The following MEIS1 variants were observed in gnomAD, a reference collection of about 807,000 sequenced individuals.
MEIS1 encodes the protein Meis homeobox 1.
Under a neutral mutation model 50.8 loss-of-function variants are expected in MEIS1, and 5 were observed. The observed-to-expected ratio is 0.10, with a 90% CI of 0.05 to 0.21. MEIS1 has a LOEUF of 0.21. MEIS1 is among the 10% of genes least tolerant of loss of function. MEIS1 has a pLI of 1.00. For missense variants in MEIS1, 318 were observed against 517.3 expected, an observed-to-expected ratio of 0.61 and a Z score of 3.74; for synonymous variants, 176 against 179.3, an observed-to-expected ratio of 0.98 and a Z score of 0.15.
chr2:66,436,145 A>T lies in MEIS1; in HGVS notation c.12+277A>T, dbSNP rs550181086. Among the ~76,000 whole-genome samples, 314 of 150,482 alleles carry T rather than the reference A, an allele frequency of 2.1e-3. 1 individual carries two copies. The highest frequency in any genetic ancestry group is 6.3e-3 in the African/African-American group (261 of 41,254). On this transcript the variant is annotated intron_variant, in intron 1 of 12. Transcript: ENST00000272369. ...CAAACAATCATCTGGGTTTTTTTTT[A>T]AAAAAGCTAGATACCTAAAGCTGTA... is the stretch of plus-strand genomic sequence containing the variant.
In MEIS1 at chr2:66,442,217, G is replaced by A. The variant is rs947834679; in HGVS notation, c.484-685G>A. 6.1e-5 allele frequency among the ~76,000 whole-genome samples: 9 copies of A among 147,250 alleles called. No individual in the cohort carries two copies. In the Admixed American group the frequency reaches 6.2e-4, roughly 10 times the overall value. Reference sequence around the variant, plus strand: ...ATGTCAGTGATGCCTGGGACCTCTAGGAAACCTCTGCACTTACACTTAAAT... The same window carrying A: ...ATGTCAGTGATGCCTGGGACCTCTAAGAAACCTCTGCACTTACACTTAAAT... On this transcript the variant is annotated intron_variant, in intron 5 of 12. Transcript: ENST00000272369.
chr2:66,439,180 C>A (rs1671882865), intron 2 of MEIS1: 1 of 652,618 alleles, frequency 1.5e-6, no homozygotes, highest in Non-Finnish European at 1.9e-6. Flanking sequence ...AAATGAAAGG[C>A]TCTACTGCAG....
intron 10 of MEIS1, 116 bp from the exon 11 acceptor site, chr2:66,568,551 A>G: frequency 1.3e-6 from 1 of 744,728 alleles, no homozygotes; most frequent in Non-Finnish European, 2.3e-6. Context: ...AAAAAATTAT[A>G]CTAGCCTGCT....
At chr2:66,441,347 T>C in intron 4 of MEIS1, 67 bp from the exon 5 acceptor site, 2 of 1,419,902 alleles carry the variant, frequency 1.4e-6, no homozygotes, top group South Asian at 1.4e-5. Context: ...CTGGAGATGG[T>C]AGAGCTGTGG....
At chr2:66,512,425 TGCAAAAG>T in intron 8 of MEIS1, 131 bp downstream of exon 8, 1 of 1,054,970 alleles carries the variant, frequency 9.5e-7, no homozygotes. Context: ...CCACAGTTTT[TGCAAAAG>T]TATTAGCACT....
chr2:66,508,769 A>G (rs1272205847), intron 7 of MEIS1, among the ~76,000 whole-genome samples: 1 of 152,264 alleles, frequency 6.6e-6, no homozygotes, highest in African/African-American at 2.4e-5. Context: ...GCGGTTGGCT[A>G]AAGTCGCCCT....
At chr2:66,481,273 A>G (rs1245359786) in intron 7 of MEIS1, among the ~76,000 whole-genome samples, 2 of 152,250 alleles carry the variant, frequency 1.3e-5, no homozygotes, top group African/African-American at 4.8e-5. Context: ...TTCTGGTGCT[A>G]GGAAAGACTT....
chr2:66,441,053 G>C (rs1671967847), intron 4 of MEIS1: 1 of 335,368 alleles, frequency 3.0e-6, no homozygotes, highest in Non-Finnish European at 5.3e-6. Flanking sequence ...GCCACAGTTT[G>C]AGGGCCATTT....
chr2:66,481,312 C>A (rs773813731), intron 7 of MEIS1, among the ~76,000 whole-genome samples: 2 of 152,206 alleles, frequency 1.3e-5, no homozygotes, highest in African/African-American at 4.8e-5. Context: ...TTCTAAGCCC[C>A]CATTGCTATG....
rs750077605 is a variant in MEIS1, at chr2:66,441,450, T to C, written c.469T>C (p.Leu157=). 17 of 1,551,048 alleles carry C rather than the reference T, an allele frequency of 1.1e-5. No individual in the cohort carries two copies. Among genetic ancestry groups the C allele is most frequent in the South Asian group, 6.2e-5 (5 of 80,704 alleles). Residue 157 remains leucine, a synonymous_variant, in exon 5 of 13, where the codon TTG becomes CTG. Coordinates refer to ENST00000272369, the MANE Select transcript of MEIS1 (RefSeq NM_002398.3). ...QAIQVLRFHL[L]ELEKVHELCD... ...CATACAAGTATTAAGGTTTCATCTA[T>C]TGGAATTAGAGAAGGTAATTTCTCT...
rs367812339 is a variant in MEIS1, at chr2:66,547,920, G to A, written c.889-23G>A. ...TGGCTAAATATTGCCTGATGCACAC[G>A]TATCTTTTTTATTCTCTTTCAGCAC... On this transcript the variant is annotated intron_variant, in intron 8 of 12. Coordinates refer to ENST00000272369, the MANE Select transcript of MEIS1 (RefSeq NM_002398.3). 139 of 1,611,370 alleles carry A rather than the reference G, an allele frequency of 8.6e-5. 1 individual carries two copies. The highest frequency in any genetic ancestry group is 1.0e-4 in the Non-Finnish European group (120 of 1,178,096).
intron 9 of MEIS1, among the ~76,000 whole-genome samples, chr2:66,564,750 T>C (rs2268415): frequency 0.64 from 96,636 of 151,320 alleles, 32,218 homozygotes; most frequent in Non-Finnish European, 0.74. Context: ...TACTTTAAGT[T>C]CTAGGGTACA....
At chr2:66,480,635 C>T (rs772770727) in intron 7 of MEIS1, among the ~76,000 whole-genome samples, 1 of 152,114 alleles carries the variant, frequency 6.6e-6, no homozygotes, top group Non-Finnish European at 1.5e-5. Flanking sequence ...GTCTTGGGTA[C>T]GTTTTTGTGA....
At chr2:66,503,736 A>ATTTT (rs70943702) in intron 7 of MEIS1, among the ~76,000 whole-genome samples, 1 of 77,798 alleles carries the variant, frequency 1.3e-5, no homozygotes, top group Non-Finnish European at 2.2e-5. Context: ...TATATGGGGC[A>ATTTT]TTTTTTTTTT....
chr2:66,491,321 A>G (rs1673267868), intron 7 of MEIS1, among the ~76,000 whole-genome samples: 2 of 152,204 alleles, frequency 1.3e-5, no homozygotes, highest in African/African-American at 4.8e-5. Flanking sequence ...TTCACTTTGC[A>G]GTGTTGTCTG....
In MEIS1 at chr2:66,571,732, C is replaced by T; in HGVS notation, c.*524C>T. The T allele has an allele frequency of 1.7e-6, 1 of 581,854 alleles. No individual in the cohort carries two copies. Among genetic ancestry groups the T allele is most frequent in the Non-Finnish European group, 3.0e-6 (1 of 334,532 alleles). The allele number at this position is 581,854 out of a possible 1,614,324, so 36.0% of individuals were successfully genotyped here. Reference sequence around the variant, plus strand: ...ATAACTATATAAGACATTAAGAGAACAAAGAGTGAAATATTGTAAATGCTA... The same window carrying T: ...ATAACTATATAAGACATTAAGAGAATAAAGAGTGAAATATTGTAAATGCTA... On this transcript the variant is annotated 3_prime_UTR_variant, in exon 13 of 13. Coordinates refer to ENST00000272369, the MANE Select transcript of MEIS1 (RefSeq NM_002398.3).
rs1359612876 is a variant in MEIS1, at chr2:66,495,279, AT to A, written c.743-16862del. Among the ~76,000 whole-genome samples, 8 of 151,574 alleles carry A rather than the reference AT, an allele frequency of 5.3e-5. No homozygotes were observed. The South Asian group carries it at 1.7e-3, about 32-fold the overall frequency. On this transcript the variant is annotated intron_variant, in intron 7 of 12. Transcript: ENST00000272369. ...ACACTGTGATTCTTAAAGGTTATGT[AT>A]TTTTTTTACCCTGATCATACTTACG...
At chr2:66,470,059 T>C (rs1672731342) in intron 7 of MEIS1, among the ~76,000 whole-genome samples, 1 of 152,250 alleles carries the variant, frequency 6.6e-6, no homozygotes, top group South Asian at 2.1e-4. Flanking sequence ...TGTCTGTTGG[T>C]CACAGTGACT....
At chr2:66,497,763 C>T (rs528863321) in intron 7 of MEIS1, among the ~76,000 whole-genome samples, 2 of 152,258 alleles carry the variant, frequency 1.3e-5, no homozygotes, top group South Asian at 4.1e-4. Context: ...ATTAAAACTG[C>T]TGCAGAAATA....
Sources: allele counts gnomAD v4.1 joint callset (sites outside exome capture counted in the v4.1 genomes callset), GRCh38; gene constraint gnomAD v4.1.1; transcripts MANE v1.5; gene names NCBI Gene and HGNC (gene_info 2026-07-23, HGNC 2026-07-21).